SRGAP1: variants seen among roughly 807,000 people sequenced by gnomAD.
SRGAP1 encodes the protein SLIT-ROBO Rho GTPase activating protein 1, also known as SLIT-ROBO Rho GTPase-activating protein 1.
SRGAP1 carries 43 observed loss-of-function variants against 121.9 expected under a neutral mutation model. The ratio of observed to expected loss-of-function variants is 0.35; its 90% confidence interval spans 0.28 to 0.46. The LOEUF (loss-of-function observed/expected upper bound fraction) is 0.46, where lower values mean the gene tolerates loss of function less well. SRGAP1 is among the 20% of genes least tolerant of loss of function. SRGAP1 has a pLI of 1.00. For missense variants in SRGAP1, 1,102 were observed against 1,350.9 expected (o/e 0.82, Z 2.89); for synonymous variants, 447 against 485.4 (o/e 0.92, Z 1.04).
At chr12:64,007,427 C>T (rs923076409) in intron 3 of SRGAP1, among the ~76,000 whole-genome samples, 1 of 152,122 alleles carries the variant, frequency 6.6e-6, no homozygotes, top group Non-Finnish European at 1.5e-5. Context: ...TGCGGCTGAT[C>T]GGACAGGGGG....
At chr12:63,859,472 A>G (rs77137472) in intron 1 of SRGAP1, among the ~76,000 whole-genome samples, 113 of 152,148 alleles carry the variant, frequency 7.4e-4, no homozygotes, top group African/African-American at 2.7e-3. Context: ...TGGCTAGTTT[A>G]TCTGTTTCTG....
intron 12 of SRGAP1, among the ~76,000 whole-genome samples, chr12:64,094,666 C>T (rs571657866): frequency 2.0e-5 from 3 of 152,270 alleles, no homozygotes; most frequent in African/African-American, 7.2e-5. Context: ...AGATTGGTCA[C>T]TTGTATAAAT....
chr12:63,949,982 T>C (rs182012708), intron 1 of SRGAP1, among the ~76,000 whole-genome samples: 38 of 152,344 alleles, frequency 2.5e-4, no homozygotes, highest in Non-Finnish European at 4.0e-4. Context: ...CTTGAAAATG[T>C]ATCTCTAAAC....
At chr12:63,937,641 T>C (rs1239404030) in intron 1 of SRGAP1, among the ~76,000 whole-genome samples, 2 of 152,216 alleles carry the variant, frequency 1.3e-5, no homozygotes, top group African/African-American at 4.8e-5. Flanking sequence ...TCCTGACGTT[T>C]TGATTTCTCT....
At chr12:63,867,584 A>T (rs1444821575) in intron 1 of SRGAP1, among the ~76,000 whole-genome samples, 2 of 152,148 alleles carry the variant, frequency 1.3e-5, no homozygotes, top group African/African-American at 2.4e-5. Context: ...ATGATGAATC[A>T]ATCTTATAAG....
In SRGAP1 at chr12:64,127,971, T is replaced by G; in HGVS notation, c.2651T>G (p.Leu884Arg). The change falls in exon 21 of 22, where the codon CTA becomes CGA. Residue 884 changes from leucine (L) to arginine (R), a missense_variant. Leu to Arg is a moderately radical substitution (Grantham distance 102). Coordinates refer to ENST00000355086, the MANE Select transcript of SRGAP1 (RefSeq NM_020762.4). Reference sequence around the variant, plus strand: ...GCCCTTTCTAACTCCTCAGTTGACCTAGGGTCCCCAAGCCTTGCCAGTCAC... The same window carrying G: ...GCCCTTTCTAACTCCTCAGTTGACCGAGGGTCCCCAAGCCTTGCCAGTCAC... ...PHALSNSSVD[L>R]GSPSLASHPR... 6 of 1,614,200 alleles carry G rather than the reference T, an allele frequency of 3.7e-6. No homozygotes were observed. Among genetic ancestry groups the G allele is most frequent in the Non-Finnish European group, 4.2e-6 (5 of 1,180,030 alleles).
intron 1 of SRGAP1, among the ~76,000 whole-genome samples, chr12:63,868,650 C>T (rs1899748310): frequency 6.6e-6 from 1 of 152,192 alleles, no homozygotes; most frequent in African/African-American, 2.4e-5. Flanking sequence ...CCATGAGCCA[C>T]TGCGCCTGGC....
chr12:64,000,378 G>A (rs1397996222), intron 3 of SRGAP1, among the ~76,000 whole-genome samples: 2 of 152,008 alleles, frequency 1.3e-5, no homozygotes, highest in Non-Finnish European at 2.9e-5. Context: ...GGAGGCTGAA[G>A]TGGGAGGATC....
At chr12:64,097,169 T>G (rs2136593957) in intron 14 of SRGAP1, 72 bp from the exon 15 acceptor site, 1 of 1,466,290 alleles carries the variant, frequency 6.8e-7, no homozygotes, top group Non-Finnish European at 9.1e-7. Flanking sequence ...AACGTGTATG[T>G]TCATAGAAAT....
intron 15 of SRGAP1, among the ~76,000 whole-genome samples, chr12:64,101,819 A>G (rs564366465): frequency 5.3e-5 from 8 of 152,142 alleles, no homozygotes; most frequent in Non-Finnish European, 1.2e-4. Context: ...GTGAGCCCAG[A>G]TGAAACTTTT....
chr12:63,879,305 T>A (rs1900119436), intron 1 of SRGAP1: 1 of 152,310 alleles, frequency 6.6e-6, no homozygotes. Flanking sequence ...GTGAGCTTCC[T>A]CACCCTGTCC....
intron 19 of SRGAP1, among the ~76,000 whole-genome samples, chr12:64,127,354 T>C (rs2036708406): frequency 6.6e-6 from 1 of 152,256 alleles, no homozygotes; most frequent in African/African-American, 2.4e-5. Context: ...TGTTATATTA[T>C]GGGTGATTAT....
rs141306887 is a variant in SRGAP1 at position 63,903,403 on chromosome 12, A to G, written c.67+58520A>G. ...ATTGTAAATTTGTATTGTATTACAA[A>G]TACAATACGTTTTTGTATTTTTAGT... On this transcript the variant is annotated intron_variant, in intron 1 of 21. Coordinates refer to ENST00000355086, the MANE Select transcript of SRGAP1 (RefSeq NM_020762.4). Among the ~76,000 whole-genome samples the G allele has an allele frequency of 4.4e-3, 672 of 152,116 alleles. 7 individuals are homozygous for G. Among genetic ancestry groups the G allele is most frequent in the African/African-American group, 0.015 (637 of 41,496 alleles).
At chr12:63,882,939 T>G (rs1294220058) in intron 1 of SRGAP1, among the ~76,000 whole-genome samples, 1 of 152,200 alleles carries the variant, frequency 6.6e-6, no homozygotes, top group Admixed American at 6.5e-5. Context: ...TTGTGACCCA[T>G]TCAGGGGATC....
chr12:63,924,952 C>G (rs960646769), intron 1 of SRGAP1, among the ~76,000 whole-genome samples: 1 of 152,158 alleles, frequency 6.6e-6, no homozygotes, highest in African/African-American at 2.4e-5. Context: ...AAAATGAGAT[C>G]GCAACTTAAG....
chr12:63,890,347 T>C (rs543970591), intron 1 of SRGAP1, among the ~76,000 whole-genome samples: 50 of 152,348 alleles, frequency 3.3e-4, no homozygotes, highest in Non-Finnish European at 7.2e-4. Context: ...AGCATGTGAA[T>C]GGATGCTTCT....
chr12:63,881,034 A>G (rs1235896778), intron 1 of SRGAP1, among the ~76,000 whole-genome samples: 1 of 152,244 alleles, frequency 6.6e-6, no homozygotes, highest in Non-Finnish European at 1.5e-5. Context: ...CACTGCTGTC[A>G]ACATTTTTAA....
chr12:63,990,584 C>T (rs772795544), intron 3 of SRGAP1, among the ~76,000 whole-genome samples: 1 of 152,034 alleles, frequency 6.6e-6, no homozygotes. Flanking sequence ...TTTAAAAATA[C>T]AGAATAAAAA....
intron 6 of SRGAP1, among the ~76,000 whole-genome samples, chr12:64,048,548 T>A (rs1285318185): frequency 6.6e-6 from 1 of 152,198 alleles, no homozygotes; most frequent in Non-Finnish European, 1.5e-5. Context: ...ATATGATAAC[T>A]CTATTTTTAG....
Sources: gnomAD v4.1 joint callset for allele counts (sites outside exome capture counted in the v4.1 genomes callset) on GRCh38, gnomAD v4.1.1 for gene constraint, MANE v1.5 for transcripts, NCBI Gene and HGNC (gene_info 2026-07-23, HGNC 2026-07-21) for gene names.